SLC16A1: variants seen among roughly 807,000 people sequenced by gnomAD.
SLC16A1 encodes the protein solute carrier family 16 member 1, also known as monocarboxylate transporter 1.
SLC16A1 carries 11 observed loss-of-function variants against 32.2 expected under a neutral mutation model. The ratio of observed to expected loss-of-function variants is 0.34; its 90% CI spans 0.21 to 0.56. The LOEUF (loss-of-function observed/expected upper bound fraction) is 0.56. Ranked by LOEUF, SLC16A1 falls within the 20% of genes least tolerant of loss-of-function variation. SLC16A1 has a pLI of 0.87. For missense variants in SLC16A1, 435 were observed against 615.0 expected, an observed-to-expected ratio of 0.71 and a Z score of 3.10; for synonymous variants, 231 against 226.8, an observed-to-expected ratio of 1.02 and a Z score of -0.17.
chr1:112,944,940 G>A (rs1340933096), intron 1 of SLC16A1, among the ~76,000 whole-genome samples: 3 of 150,406 alleles, frequency 2.0e-5, no homozygotes, highest in Admixed American at 6.6e-5. Flanking sequence ...TGATCTGCCC[G>A]TCTCGGCCTC....
At chr1:112,926,002 A>G (rs1232543064) in intron 2 of SLC16A1, among the ~76,000 whole-genome samples, 1 of 152,202 alleles carries the variant, frequency 6.6e-6, no homozygotes, top group Non-Finnish European at 1.5e-5. Context: ...TCTGTTTCTC[A>G]GAGGTTATTA....
intron 1 of SLC16A1, among the ~76,000 whole-genome samples, chr1:112,932,960 T>C (rs902177588): frequency 2.0e-5 from 3 of 152,174 alleles, no homozygotes; most frequent in Non-Finnish European, 4.4e-5. Flanking sequence ...ATTGTATTTC[T>C]ATATATTAAC....
chr1:112,918,084 A>C (rs1459475193), intron 3 of SLC16A1, 40 bp from the exon 4 acceptor site: 2 of 1,114,432 alleles, frequency 1.8e-6, no homozygotes, highest in South Asian at 6.4e-5. Flanking sequence ...AAATAAATAA[A>C]TAAATAAATA....
chr1:112,946,319 C>T (rs1430737316), intron 1 of SLC16A1, among the ~76,000 whole-genome samples: 1 of 152,026 alleles, frequency 6.6e-6, no homozygotes. Flanking sequence ...CACCTGTAAT[C>T]CCAGCACTTT....
intron 1 of SLC16A1, chr1:112,935,825 T>G (rs1649282392): frequency 6.6e-6 from 1 of 150,656 alleles, no homozygotes; most frequent in African/African-American, 2.4e-5. Flanking sequence ...AATTCTCACC[T>G]ATTATGTCTT....
chr1:112,949,011 T>C (rs1352614857), intron 1 of SLC16A1, among the ~76,000 whole-genome samples: 1 of 151,560 alleles, frequency 6.6e-6, no homozygotes, highest in African/African-American at 2.4e-5. Context: ...TTTGTATTTT[T>C]AGTAGTAAAA....
intron 2 of SLC16A1, among the ~76,000 whole-genome samples, chr1:112,927,658 C>T (rs1424803639): frequency 2.0e-5 from 3 of 152,168 alleles, no homozygotes; most frequent in South Asian, 2.1e-4. Flanking sequence ...GAAAGGGGTA[C>T]GGTTTATAGG....
In SLC16A1 at chr1:112,914,143, T is replaced by G. The variant is rs773213969; in HGVS notation, c.1251A>C (p.Gly417=). 1 of 1,614,188 alleles carries G rather than the reference T, an allele frequency of 6.2e-7. No individual in the cohort carries two copies. Among genetic ancestry groups the G allele is most frequent in the South Asian group, 1.1e-5 (1 of 91,086 alleles). The change falls in exon 5 of 5, where the codon GGA becomes GGC. Residue 417 remains glycine (G), a synonymous_variant. Transcript: ENST00000369626. ...ATGCCCAGTATGTGTATTTGTAGTCTCCATACATGTCATTGAGCCGACCTA... is the reference window on the plus strand; with the variant it reads ...ATGCCCAGTATGTGTATTTGTAGTCGCCATACATGTCATTGAGCCGACCTA... ...PLLGRLNDMY[G]DYKYTYWACG...
At chr1:112,946,639 C>T (rs1489828773) in intron 1 of SLC16A1, among the ~76,000 whole-genome samples, 1 of 152,150 alleles carries the variant, frequency 6.6e-6, no homozygotes, top group Admixed American at 6.5e-5. Flanking sequence ...CTGCAACCTC[C>T]GCCCCTCGGG....
At chr1:112,919,048 T>C in intron 3 of SLC16A1, among the ~76,000 whole-genome samples, 1 of 151,904 alleles carries the variant, frequency 6.6e-6, no homozygotes, top group Non-Finnish European at 1.5e-5. Context: ...TATTTATTTT[T>C]GAGACAGAGT....
At chr1:112,949,836 A>G (rs542541203) in intron 1 of SLC16A1, among the ~76,000 whole-genome samples, 19 of 152,288 alleles carry the variant, frequency 1.2e-4, no homozygotes, top group African/African-American at 4.1e-4. Flanking sequence ...ACGTGCCCAG[A>G]CAGAATAATG....
At chr1:112,926,171 CTCCA>C (rs1291147194) in intron 2 of SLC16A1, among the ~76,000 whole-genome samples, 1 of 152,198 alleles carries the variant, frequency 6.6e-6, no homozygotes, top group Non-Finnish European at 1.5e-5. Flanking sequence ...CTCTTTCCAT[CTCCA>C]TCCATATAGA....
chr1:112,937,944 TA>T (rs1398084507), intron 1 of SLC16A1, among the ~76,000 whole-genome samples: 6 of 152,210 alleles, frequency 3.9e-5, no homozygotes, highest in Admixed American at 1.3e-4. Flanking sequence ...GATTTTCTGA[TA>T]TTTTTTTCTC....
chr1:112,929,881 C>A (rs1463649796), intron 1 of SLC16A1, among the ~76,000 whole-genome samples: 1 of 152,072 alleles, frequency 6.6e-6, no homozygotes, highest in Non-Finnish European at 1.5e-5. Flanking sequence ...AACAAGAGAC[C>A]TGATGAGATT....
At chr1:112,954,457 C>G (rs1255462533) in intron 1 of SLC16A1, among the ~76,000 whole-genome samples, 1 of 152,180 alleles carries the variant, frequency 6.6e-6, no homozygotes, top group Non-Finnish European at 1.5e-5. Flanking sequence ...GGATCCTGAT[C>G]AGCTGGTCAT....
intron 1 of SLC16A1, among the ~76,000 whole-genome samples, chr1:112,948,960 A>G (rs971329877): frequency 6.6e-6 from 1 of 152,070 alleles, no homozygotes; most frequent in Non-Finnish European, 1.5e-5. Context: ...CCTCCCGAGT[A>G]GCTGGGACTA....
At chr1:112,923,310 AAAAC>A (rs1205595576) in intron 2 of SLC16A1, 5 of 413,820 alleles carry the variant, frequency 1.2e-5, no homozygotes, top group Admixed American at 7.0e-5. Context: ...CTCCGTCTCA[AAAAC>A]AAACAAACAG....
intron 1 of SLC16A1, among the ~76,000 whole-genome samples, chr1:112,947,936 T>C (rs910510955): frequency 2.4e-4 from 37 of 152,262 alleles, no homozygotes; most frequent in African/African-American, 8.4e-4. Flanking sequence ...GGAGAAAAAT[T>C]TGCTGGGTGT....
At chr1:112,922,158 A>C in intron 2 of SLC16A1, 25 bp from the exon 3 acceptor site, 2 of 1,611,156 alleles carry the variant, frequency 1.2e-6, no homozygotes, top group Non-Finnish European at 8.5e-7. Flanking sequence ...AAAATGTAGT[A>C]ATATAAAGGA....
Sources: gnomAD v4.1 joint callset for allele counts (sites outside exome capture counted in the v4.1 genomes callset) on GRCh38, gnomAD v4.1.1 for gene constraint, MANE v1.5 for transcripts, NCBI Gene and HGNC (gene_info 2026-07-23, HGNC 2026-07-21) for gene names.